Variants in CDH7 observed in about 807,000 individuals in gnomAD.
CDH7 encodes the protein cadherin-7.
A neutral mutation model predicts 71.8 loss-of-function variants in CDH7; 25 were observed. That is an observed-to-expected ratio of 0.35 (90% CI 0.25 to 0.49). The LOEUF is 0.49. CDH7 is among the 20% of genes least tolerant of loss of function. The probability of loss-of-function intolerance (pLI) is 0.99; values close to 1 mark genes in which losing one functional copy is unlikely to be tolerated. For synonymous variants in CDH7, 381 were observed against 363.8 expected (o/e 1.05, Z -0.54); for missense variants, 862 against 974.6 (o/e 0.88, Z 1.54).
chr18:65,759,679 T>C (rs754792053), intron 1 of CDH7, among the ~76,000 whole-genome samples: 9 of 152,192 alleles, frequency 5.9e-5, no homozygotes, highest in Non-Finnish European at 1.0e-4. Flanking sequence ...CTTTATAAGA[T>C]AATTGAGTTC....
chr18:65,779,017 C>G (rs1910071857), intron 2 of CDH7, among the ~76,000 whole-genome samples: 1 of 148,946 alleles, frequency 6.7e-6, no homozygotes, highest in Admixed American at 6.7e-5. Context: ...TAGACAGTTT[C>G]TTTCAATGTA....
At chr18:65,834,057 C>A (rs145979356) in intron 6 of CDH7, among the ~76,000 whole-genome samples, 117 of 152,098 alleles carry the variant, frequency 7.7e-4, no homozygotes, top group Non-Finnish European at 1.3e-3. Context: ...CCTCCCACGG[C>A]GTGTTGATTC....
chr18:65,832,887 A>G (rs1229427400), intron 6 of CDH7, among the ~76,000 whole-genome samples: 1 of 152,092 alleles, frequency 6.6e-6, no homozygotes, highest in Non-Finnish European at 1.5e-5. Context: ...TTAAATATGG[A>G]ATTTTTTTCT....
At chr18:65,833,190 A>ATC (rs1231551798) in intron 6 of CDH7, among the ~76,000 whole-genome samples, 35 of 152,208 alleles carry the variant, frequency 2.3e-4, no homozygotes, top group African/African-American at 7.7e-4. Flanking sequence ...TAAGTTAGAT[A>ATC]GCACAGTGGC....
At chr18:65,808,948 A>C (rs537326715) in intron 2 of CDH7, among the ~76,000 whole-genome samples, 1 of 152,320 alleles carries the variant, frequency 6.6e-6, no homozygotes, top group South Asian at 2.1e-4. Context: ...ATGTTCTGAC[A>C]TACAGCAGGG....
intron 5 of CDH7, among the ~76,000 whole-genome samples, chr18:65,823,316 T>A (rs1448919823): frequency 6.6e-6 from 1 of 151,914 alleles, no homozygotes; most frequent in Non-Finnish European, 1.5e-5. Flanking sequence ...TGGCTTATCA[T>A]GGAGAAGGAG....
chr18:65,855,350 A>AG (rs1038916365), intron 7 of CDH7, among the ~76,000 whole-genome samples: 1 of 104,620 alleles, frequency 9.6e-6, no homozygotes, highest in Non-Finnish European at 2.4e-5. Context: ...ACATTGACAA[A>AG]GGAAAAAAAA....
At chr18:65,798,160 T>G (rs994243609) in intron 2 of CDH7, among the ~76,000 whole-genome samples, 1 of 152,080 alleles carries the variant, frequency 6.6e-6, no homozygotes, top group African/African-American at 2.4e-5. Context: ...AATGAATTCT[T>G]CATGCTCTTG....
At chr18:65,829,936 G>T (rs532753188) in intron 6 of CDH7, among the ~76,000 whole-genome samples, 1 of 152,118 alleles carries the variant, frequency 6.6e-6, no homozygotes, top group East Asian at 1.9e-4. Context: ...CCAAGGCTCT[G>T]TAGAAGTGTC....
chr18:65,811,756 G>C (rs562646281), intron 3 of CDH7, among the ~76,000 whole-genome samples: 1 of 152,154 alleles, frequency 6.6e-6, no homozygotes, highest in South Asian at 2.1e-4. Flanking sequence ...GGCTTGCTAA[G>C]GTTTTCCTTT....
At chr18:65,842,598 G>A (rs1912774656) in intron 6 of CDH7, among the ~76,000 whole-genome samples, 1 of 151,812 alleles carries the variant, frequency 6.6e-6, no homozygotes, top group African/African-American at 2.4e-5. Flanking sequence ...ATACAGTATA[G>A]TATGTGTATA....
intron 6 of CDH7, among the ~76,000 whole-genome samples, chr18:65,835,424 C>A (rs1912498664): frequency 6.6e-6 from 1 of 152,198 alleles, no homozygotes; most frequent in African/African-American, 2.4e-5. Context: ...AATACTGAAT[C>A]TCAGTTCTGC....
At chr18:65,853,465 A>G (rs1177649585) in intron 7 of CDH7, among the ~76,000 whole-genome samples, 1 of 151,678 alleles carries the variant, frequency 6.6e-6, no homozygotes, top group Non-Finnish European at 1.5e-5. Context: ...TATTTTCTTT[A>G]TTTTTCTCAC....
chr18:65,763,034 C>A lies in CDH7; in HGVS notation c.192C>A (p.Asp64Glu), dbSNP rs1283641973. The A allele has an allele frequency of 1.9e-6, 3 of 1,612,006 alleles. No homozygotes were observed. The highest frequency in any genetic ancestry group is 2.5e-6 in the Non-Finnish European group (3 of 1,178,734). The change falls in exon 2 of 12, where the codon GAC becomes GAA. Residue 64 changes from aspartate (D) to glutamate (E), a missense_variant. By Grantham distance (45) the Asp-to-Glu change is conservative. Transcript: ENST00000397968. ...TGCTGGAGGAATACATGGGTTCAGACCCCCTCTATGTAGGAAAGGTAGGGT... is the reference window on the plus strand; with the variant it reads ...TGCTGGAGGAATACATGGGTTCAGAACCCCTCTATGTAGGAAAGGTAGGGT... Reference protein sequence around the residue: ...FFVLEEYMGSDPLYVGKLHSD... With the variant: ...FFVLEEYMGSEPLYVGKLHSD...
intron 2 of CDH7, among the ~76,000 whole-genome samples, chr18:65,765,464 CT>C (rs74171791): frequency 0.35 from 50,954 of 143,890 alleles, 8,749 homozygotes; most frequent in Middle Eastern, 0.47. Flanking sequence ...TTCCTTTTTT[CT>C]TTTTTTTTTT....
chr18:65,796,036 T>C, intron 2 of CDH7, among the ~76,000 whole-genome samples: 1 of 152,150 alleles, frequency 6.6e-6, no homozygotes, highest in Non-Finnish European at 1.5e-5. Flanking sequence ...AAACCTTTTT[T>C]AAAATAAATA....
intron 2 of CDH7, among the ~76,000 whole-genome samples, chr18:65,769,702 A>C (rs934350737): frequency 2.0e-5 from 3 of 152,074 alleles, no homozygotes; most frequent in African/African-American, 7.2e-5. Flanking sequence ...ATAGTTCCTT[A>C]GTCTTTCGTT....
chr18:65,769,475 C>T (rs1454326731), intron 2 of CDH7, among the ~76,000 whole-genome samples: 2 of 152,296 alleles, frequency 1.3e-5, no homozygotes, highest in East Asian at 3.9e-4. Flanking sequence ...AAGTGCTATT[C>T]TCTAATCCAG....
chr18:65,781,901 TA>T (rs1910253553), intron 2 of CDH7, among the ~76,000 whole-genome samples: 9 of 57,542 alleles, frequency 1.6e-4, no homozygotes, highest in South Asian at 7.1e-4. Context: ...TCTTTCTCTC[TA>T]TCTTTCTCTC....
Sources: allele counts gnomAD v4.1 joint callset (sites outside exome capture counted in the v4.1 genomes callset), GRCh38; gene constraint gnomAD v4.1.1; transcripts MANE v1.5; gene names NCBI Gene and HGNC (gene_info 2026-07-23, HGNC 2026-07-21).